LASP1: variants seen among roughly 807,000 people sequenced by gnomAD.
LASP1 encodes LIM and SH3 domain protein 1.
Under a neutral mutation model 38.6 loss-of-function variants are expected in LASP1, and 10 were observed. The observed-to-expected ratio is 0.26, with a 90% CI of 0.16 to 0.44. The LOEUF (loss-of-function observed/expected upper bound fraction) is 0.44. LASP1 is among the 20% of genes least tolerant of loss of function. The pLI is 1.00. For missense variants in LASP1, 243 were observed against 375.7 expected (o/e 0.65, Z 2.92); for synonymous variants, 132 against 140.8 (o/e 0.94, Z 0.44).
chr17:38,884,610 A>G (rs226223), intron 2 of LASP1, among the ~76,000 whole-genome samples: 97,524 of 150,274 alleles, frequency 0.65, 33,236 homozygotes, highest in African/African-American at 0.86. Flanking sequence ...GGCTGGTGTC[A>G]AACTCCTGAC....
chr17:38,890,584 T>A, intron 3 of LASP1, 80 bp downstream of exon 3: 3 of 1,256,790 alleles, frequency 2.4e-6, no homozygotes, highest in Non-Finnish European at 3.5e-6. Flanking sequence ...TTGGCAAGAG[T>A]ACCTTCCCCT....
chr17:38,917,270 G>A (rs1915158899), intron 6 of LASP1, among the ~76,000 whole-genome samples: 1 of 152,194 alleles, frequency 6.6e-6, no homozygotes, highest in Non-Finnish European at 1.5e-5. Context: ...GTTACTTCAT[G>A]GGAGGTGTGA....
At chr17:38,876,743 T>C (rs920732612) in intron 1 of LASP1, among the ~76,000 whole-genome samples, 2 of 150,144 alleles carry the variant, frequency 1.3e-5, no homozygotes, top group Non-Finnish European at 3.0e-5. Flanking sequence ...ATTCTCTTTT[T>C]TTTTTTTGAG....
intron 3 of LASP1, among the ~76,000 whole-genome samples, chr17:38,895,305 T>C (rs1914454659): frequency 6.6e-6 from 1 of 151,874 alleles, no homozygotes; most frequent in African/African-American, 2.4e-5. Context: ...CCATTTTGTT[T>C]TTTAAGTCCA....
chr17:38,918,539 A>G lies in LASP1; in HGVS notation c.613-66A>G. The G allele has an allele frequency of 6.7e-7, 1 of 1,488,658 alleles. No homozygotes were observed. The highest frequency in any genetic ancestry group is 9.0e-7 in the Non-Finnish European group (1 of 1,106,052). The allele number at this position is 1,488,658 out of a possible 1,614,324, so 92.2% of individuals were successfully genotyped here. ...CTGCTCCAGGGTCGTGGAGAGTTAG[A>G]AAAAAATGCTCAGACCCAGGTGAGC... On this transcript the variant is annotated intron_variant, in intron 6 of 6. Coordinates refer to ENST00000318008, the MANE Select transcript of LASP1 (RefSeq NM_006148.4). This position sits in a 1 kb window ranked among gnomAD's most constrained non-coding sequence, Gnocchi z 4.4.
intron 5 of LASP1, 87 bp downstream of exon 5, chr17:38,914,562 C>T (rs769938594): frequency 2.1e-6 from 3 of 1,439,674 alleles, no homozygotes; most frequent in Non-Finnish European, 2.8e-6. Context: ...CAGACAGATA[C>T]ACCTTCCGGA....
rs1915199746 is a variant in LASP1, at chr17:38,918,543, A to G, written c.613-62A>G. Reference sequence around the variant, plus strand: ...TCCAGGGTCGTGGAGAGTTAGAAAAAAATGCTCAGACCCAGGTGAGCCGGC... The same window carrying G: ...TCCAGGGTCGTGGAGAGTTAGAAAAGAATGCTCAGACCCAGGTGAGCCGGC... On this transcript the variant is annotated intron_variant, in intron 6 of 6. Coordinates refer to ENST00000318008, the MANE Select transcript of LASP1 (RefSeq NM_006148.4). This position sits in a 1 kb window ranked among gnomAD's most constrained non-coding sequence, Gnocchi z 4.4. 6.6e-7 allele frequency: 1 copy of G among 1,506,202 alleles called. No individual in the cohort carries two copies. The highest frequency in any genetic ancestry group is 8.9e-7 in the Non-Finnish European group (1 of 1,120,746). 93.3% of individuals were successfully genotyped at this position (1,506,202 alleles called of 1,614,324 possible). A position where few individuals can be genotyped will look rare whatever the true frequency, so the allele number is the denominator to read the frequency against.
intron 2 of LASP1, among the ~76,000 whole-genome samples, chr17:38,879,265 T>C (rs560609306): frequency 4.6e-5 from 7 of 150,994 alleles, no homozygotes; most frequent in Non-Finnish European, 8.8e-5. Flanking sequence ...AAGCGATTCT[T>C]GTACCTAAGC....
At position 38,918,479 on chromosome 17, in the gene LASP1, G is replaced by A. The variant is rs1289526953; in HGVS notation, c.613-126G>A. ...TTAAGAATCTTTGCAGCAGAGCCTG[G>A]TGCTCCATTTCTGAGTTCACTGCTC... is the stretch of plus-strand genomic sequence containing the variant. On this transcript the variant is annotated intron_variant, in intron 6 of 6. Transcript: ENST00000318008. This position sits in a 1 kb window ranked among gnomAD's most constrained non-coding sequence, Gnocchi z 4.4. 8.9e-6 allele frequency: 8 copies of A among 900,304 alleles called. No homozygotes were observed. Among genetic ancestry groups the A allele is most frequent in the African/African-American group, 3.3e-5 (2 of 60,004 alleles). The allele number at this position is 900,304 out of a possible 1,614,324, so 55.8% of individuals were successfully genotyped here. A position where few individuals can be genotyped will look rare whatever the true frequency, so the allele number is the denominator to read the frequency against.
chr17:38,885,454 G>A (rs1296723710), intron 2 of LASP1, among the ~76,000 whole-genome samples: 2 of 152,152 alleles, frequency 1.3e-5, no homozygotes, highest in African/African-American at 4.8e-5. Flanking sequence ...TTCCTGCCCC[G>A]CTTCTTCCTG....
chr17:38,898,772 C>T (rs1199973234), intron 4 of LASP1: 4 of 564,524 alleles, frequency 7.1e-6, no homozygotes, highest in Non-Finnish European at 1.3e-5. Flanking sequence ...GCTAAATCAG[C>T]CCCCACTCTC....
intron 2 of LASP1, among the ~76,000 whole-genome samples, chr17:38,889,364 T>C (rs1359077299): frequency 6.6e-6 from 1 of 152,154 alleles, no homozygotes; most frequent in African/African-American, 2.4e-5. Context: ...ACTCCTGACC[T>C]CGTGATCTGC....
chr17:38,876,946 G>T (rs1254923811), intron 1 of LASP1, among the ~76,000 whole-genome samples: 1 of 151,568 alleles, frequency 6.6e-6, no homozygotes. Context: ...CTCATGATCC[G>T]CCCGCCTCGG....
intron 3 of LASP1, among the ~76,000 whole-genome samples, chr17:38,894,934 C>T (rs1380929643): frequency 1.3e-5 from 2 of 151,954 alleles, no homozygotes; most frequent in East Asian, 1.9e-4. Context: ...GACAGGGTTT[C>T]GTCATGTTGC....
rs960361329 is a variant in LASP1, at chr17:38,875,502, C to T, written c.70-2584C>T. ...GGGCCCTGGGTCACTGGGATAGGCC[C>T]AGGTTGGGGAGGGGGCCAAGCTTAG... On this transcript the variant is annotated intron_variant, in intron 1 of 6. Coordinates refer to ENST00000318008, the MANE Select transcript of LASP1 (RefSeq NM_006148.4). 2.0e-5 allele frequency among the ~76,000 whole-genome samples: 3 copies of T among 152,062 alleles called. No homozygotes were observed. The East Asian group carries it at 5.8e-4, about 29-fold the overall frequency.
intron 2 of LASP1, among the ~76,000 whole-genome samples, chr17:38,879,569 T>G (rs1913881409): frequency 1.3e-5 from 2 of 151,852 alleles, no homozygotes; most frequent in Non-Finnish European, 2.9e-5. Context: ...GTCCAGTTTT[T>G]TTTTTTTTTC....
intron 3 of LASP1, among the ~76,000 whole-genome samples, chr17:38,891,938 A>C (rs993190585): frequency 1.2e-4 from 18 of 151,996 alleles, no homozygotes; most frequent in African/African-American, 4.1e-4. Context: ...CTAAAAAAAA[A>C]AACGAGCAGA....
intron 4 of LASP1, among the ~76,000 whole-genome samples, chr17:38,912,762 A>G (rs1021682637): frequency 6.6e-6 from 1 of 152,168 alleles, no homozygotes; most frequent in Non-Finnish European, 1.5e-5. Context: ...TCGTCCCACC[A>G]TGGGACTCAG....
intron 2 of LASP1, among the ~76,000 whole-genome samples, chr17:38,879,161 CTTTTTT>C (rs55952948): frequency 8.1e-6 from 1 of 123,712 alleles, no homozygotes; most frequent in Non-Finnish European, 1.6e-5. Context: ...TTTTAATTTG[CTTTTTT>C]TTTTTTTTTT....
Sources: allele counts gnomAD v4.1 joint callset (sites outside exome capture counted in the v4.1 genomes callset), GRCh38; gene constraint gnomAD v4.1.1; non-coding constraint Gnocchi (gnomAD v3.1); transcripts MANE v1.5; gene names NCBI Gene and HGNC (gene_info 2026-07-23, HGNC 2026-07-21).